The following FRMD5 variants were observed in gnomAD, a reference collection of about 807,000 sequenced individuals.
The protein encoded by FRMD5 is FERM domain containing 5, also known as FERM domain-containing protein 5.
Under a neutral mutation model 69.0 loss-of-function variants are expected in FRMD5, and 20 were observed. The observed-to-expected ratio is 0.29, with a 90% CI of 0.20 to 0.42. The LOEUF (loss-of-function observed/expected upper bound fraction) is 0.42. FRMD5 is among the 10% of genes least tolerant of loss of function. FRMD5 has a pLI of 1.00. For synonymous variants in FRMD5, 271 were observed against 260.1 expected, an observed-to-expected ratio of 1.04 and a Z score of -0.40; for missense variants, 595 against 708.6, an observed-to-expected ratio of 0.84 and a Z score of 1.82.
chr15:44,177,591 G>A (rs1009221947), intron 1 of FRMD5, among the ~76,000 whole-genome samples: 5 of 152,122 alleles, frequency 3.3e-5, no homozygotes, highest in Admixed American at 2.0e-4. Flanking sequence ...CTGCTAATGA[G>A]TACAAGGTTT....
intron 6 of FRMD5, among the ~76,000 whole-genome samples, chr15:43,902,681 C>A (rs1380769775): frequency 1.5e-5 from 2 of 129,232 alleles, no homozygotes; most frequent in East Asian, 4.2e-4. Flanking sequence ...CAGAATGAGA[C>A]CCTGTCTCAA....
rs140267752 is a variant in FRMD5 at position 44,059,017 on chromosome 15, A to C, written c.103-134708T>G. Among the ~76,000 whole-genome samples, 3 of 152,318 alleles carry C rather than the reference A, an allele frequency of 2.0e-5. No homozygotes were observed. In the East Asian group the frequency reaches 5.8e-4, roughly 29 times the overall value. On this transcript the variant is annotated intron_variant, in intron 1 of 13. Coordinates refer to ENST00000417257, the MANE Select transcript of FRMD5 (RefSeq NM_032892.5). The stretch of plus-strand genomic sequence containing the variant: ...ACAAAGAGCCAGGATCTTTGAGGAC[A>C]AATAACAGGAAAAACTTAGGAACCT...
At chr15:43,991,353 G>A (rs1889666861) in intron 1 of FRMD5, among the ~76,000 whole-genome samples, 1 of 152,168 alleles carries the variant, frequency 6.6e-6, no homozygotes, top group Non-Finnish European at 1.5e-5. Context: ...GAGGCTCTGT[G>A]ATGGGGACTG....
At chr15:44,145,026 T>C (rs1566969656) in intron 1 of FRMD5, among the ~76,000 whole-genome samples, 1 of 152,212 alleles carries the variant, frequency 6.6e-6, no homozygotes, top group East Asian at 1.9e-4. Context: ...AATGCTCTTA[T>C]CCTTTTCAGT....
intron 1 of FRMD5, among the ~76,000 whole-genome samples, chr15:44,049,061 A>G (rs1356199035): frequency 6.6e-6 from 1 of 152,248 alleles, no homozygotes; most frequent in Non-Finnish European, 1.5e-5. Context: ...AACCCTGCTA[A>G]AAATGGCTGG....
At chr15:44,050,159 G>A (rs551449156) in intron 1 of FRMD5, among the ~76,000 whole-genome samples, 2 of 152,124 alleles carry the variant, frequency 1.3e-5, no homozygotes, top group Non-Finnish European at 2.9e-5. Context: ...TAATGCAGAA[G>A]CTTATTACCT....
intron 1 of FRMD5, among the ~76,000 whole-genome samples, chr15:43,974,010 A>G (rs1386589384): frequency 6.6e-6 from 1 of 151,662 alleles, no homozygotes; most frequent in Non-Finnish European, 1.5e-5. Flanking sequence ...GAACATATCA[A>G]ATTAACTTTT....
intron 13 of FRMD5, 113 bp downstream of exon 13, chr15:43,883,590 G>T: frequency 1.4e-6 from 1 of 721,516 alleles, no homozygotes; most frequent in East Asian, 2.6e-5. Context: ...GCCACTGGAG[G>T]CCCTTTTCCC....
At chr15:44,066,376 T>C (rs1327570903) in intron 1 of FRMD5, among the ~76,000 whole-genome samples, 4 of 152,102 alleles carry the variant, frequency 2.6e-5, no homozygotes, top group Non-Finnish European at 5.9e-5. Flanking sequence ...GGCCACACAG[T>C]CGTTTACGAT....
intron 1 of FRMD5, among the ~76,000 whole-genome samples, chr15:44,061,069 G>A (rs1893069539): frequency 6.6e-6 from 1 of 152,130 alleles, no homozygotes; most frequent in South Asian, 2.1e-4. Context: ...CTTTTGATTA[G>A]CTCAGAAGAG....
In FRMD5 at chr15:43,883,752, G is replaced by A. The variant is rs1285862625; in HGVS notation, c.1086C>T (p.Ser362=). Residue 362 remains serine, a synonymous_variant, in exon 13 of 14, where the codon AGC becomes AGT. Transcript: ENST00000417257. ...CTCTTCTGCGGGTCCTGGGGACGCT[G>A]CTCAGCCTTGGGCCATGGGTTATGG... ...CPSITHGPRL[S]SVPRTRRRAV... The A allele has an allele frequency of 4.3e-6, 7 of 1,613,934 alleles. No individual in the cohort carries two copies. The highest frequency in any genetic ancestry group is 1.3e-5 in the African/African-American group (1 of 75,048).
intron 1 of FRMD5, among the ~76,000 whole-genome samples, chr15:44,152,468 G>C (rs769721815): frequency 4.6e-5 from 7 of 152,156 alleles, no homozygotes; most frequent in African/African-American, 7.2e-5. Flanking sequence ...TTATAAAGTT[G>C]CTACACACAT....
chr15:44,100,903 C>G (rs1185187807), intron 1 of FRMD5, among the ~76,000 whole-genome samples: 1 of 152,138 alleles, frequency 6.6e-6, no homozygotes, highest in African/African-American at 2.4e-5. Context: ...GTAATCCCAG[C>G]ACTTTGGGAG....
At position 44,120,623 on chromosome 15, in the gene FRMD5, C is replaced by T. The variant is rs868638439; in HGVS notation, c.102+74330G>A. Among the ~76,000 whole-genome samples, 10 of 148,964 alleles carry T rather than the reference C, an allele frequency of 6.7e-5. No individual in the cohort carries two copies. The Middle Eastern group carries it at 0.011, about 164-fold the overall frequency. On this transcript the variant is annotated intron_variant, in intron 1 of 13. Coordinates refer to ENST00000417257, the MANE Select transcript of FRMD5 (RefSeq NM_032892.5). Reference sequence around the variant, plus strand: ...ATCTCGGCTCCGCCTCCCGGGTTCACGCCATTCTCCTGCCTCAGCCTGCCA... The same window carrying T: ...ATCTCGGCTCCGCCTCCCGGGTTCATGCCATTCTCCTGCCTCAGCCTGCCA...
At chr15:43,886,526 C>A (rs1416707212) in intron 10 of FRMD5, among the ~76,000 whole-genome samples, 1 of 152,192 alleles carries the variant, frequency 6.6e-6, no homozygotes, top group Admixed American at 6.5e-5. Flanking sequence ...TTGGGCACAG[C>A]AGCTCAGAGA....
Position 43,951,998 on chromosome 15 carries a change from GTC to G in FRMD5, c.103-27691_103-27690del, listed in dbSNP as rs1305234132. ...GTGTGTGTTGTGTGTGTGTGTGTGT[GTC>G]TGTGTGTGTGTGTGTGTGTGTGTGT... On this transcript the variant is annotated intron_variant, in intron 1 of 13. Transcript: ENST00000417257. 9.6e-3 allele frequency among the ~76,000 whole-genome samples: 904 copies of G among 94,004 alleles called. 7 individuals are homozygous for G. Among genetic ancestry groups the G allele is most frequent in the African/African-American group, 0.059 (763 of 12,850 alleles). The allele number at this position is 94,004 out of a possible 152,430, so 61.7% of individuals were successfully genotyped here.
At chr15:44,023,152 G>A (rs1391887754) in intron 1 of FRMD5, among the ~76,000 whole-genome samples, 1 of 152,152 alleles carries the variant, frequency 6.6e-6, no homozygotes, top group South Asian at 2.1e-4. Flanking sequence ...ACACTCCTGG[G>A]TTGAGGTCAG....
chr15:44,162,030 T>C (rs2077624256), intron 1 of FRMD5, among the ~76,000 whole-genome samples: 4 of 152,126 alleles, frequency 2.6e-5, no homozygotes, highest in Non-Finnish European at 5.9e-5. Flanking sequence ...AATGGCACAA[T>C]CTTGGCTCAC....
At chr15:44,151,348 G>T (rs1196478209) in intron 1 of FRMD5, among the ~76,000 whole-genome samples, 1 of 147,408 alleles carries the variant, frequency 6.8e-6, no homozygotes, top group Non-Finnish European at 1.5e-5. Context: ...AGTGAGCCAA[G>T]ATCGCGCCAC....
Sources: allele counts gnomAD v4.1 joint callset (sites outside exome capture counted in the v4.1 genomes callset), GRCh38; gene constraint gnomAD v4.1.1; transcripts MANE v1.5; gene names NCBI Gene and HGNC (gene_info 2026-07-23, HGNC 2026-07-21).